The following ARHGEF28 variants were observed in gnomAD, a reference collection of about 807,000 sequenced individuals.
ARHGEF28 encodes Rho guanine nucleotide exchange factor 28.
Under a neutral mutation model 206.6 loss-of-function variants are expected in ARHGEF28, and 152 were observed. The observed-to-expected ratio is 0.74, with a 90% CI of 0.64 to 0.84. The LOEUF (loss-of-function observed/expected upper bound fraction) is 0.84. Among genes scored for constraint, ARHGEF28 ranks in the 40% least tolerant of loss-of-function variants. The pLI, the probability that ARHGEF28 is intolerant of heterozygous loss-of-function variation, is 0.00. For missense variants in ARHGEF28, 2,028 were observed against 2,073.2 expected (o/e 0.98, Z 0.42); for synonymous variants, 763 against 776.4 (o/e 0.98, Z 0.29).
At chr5:73,750,287 A>G (rs1751957844) in intron 3 of ARHGEF28, among the ~76,000 whole-genome samples, 1 of 152,134 alleles carries the variant, frequency 6.6e-6, no homozygotes, top group Non-Finnish European at 1.5e-5. Context: ...AACACTGTCT[A>G]TTGAGTATCA....
intron 16 of ARHGEF28, among the ~76,000 whole-genome samples, chr5:73,859,944 A>G (rs778073192): frequency 1.3e-5 from 2 of 152,208 alleles, no homozygotes; most frequent in Non-Finnish European, 2.9e-5. Context: ...ACCTCTGTGC[A>G]TACTGCTTAA....
intron 35 of ARHGEF28, among the ~76,000 whole-genome samples, chr5:73,930,091 C>T (rs1200620946): frequency 1.3e-5 from 2 of 152,198 alleles, no homozygotes; most frequent in Non-Finnish European, 2.9e-5. Flanking sequence ...TTTTTATGCA[C>T]ATCTCCTTAG....
intron 10 of ARHGEF28, among the ~76,000 whole-genome samples, chr5:73,839,814 A>G (rs1225518273): frequency 6.6e-6 from 1 of 152,150 alleles, no homozygotes; most frequent in Admixed American, 6.5e-5. Context: ...CGTGCACTTT[A>G]TGTAGCTTTA....
chr5:73,639,953 A>T (rs114854654), intron 1 of ARHGEF28, among the ~76,000 whole-genome samples: 1 of 152,358 alleles, frequency 6.6e-6, no homozygotes, highest in South Asian at 2.1e-4. Context: ...TCAATACTGT[A>T]GTAAGTGTTG....
chr5:73,879,890 TGAG>T (rs1252757612), intron 22 of ARHGEF28, among the ~76,000 whole-genome samples: 1 of 152,194 alleles, frequency 6.6e-6, no homozygotes, highest in East Asian at 1.9e-4. Flanking sequence ...GGGACCCACT[TGAG>T]GAGGCAGTCT....
intron 4 of ARHGEF28, among the ~76,000 whole-genome samples, chr5:73,769,577 A>G (rs1561391142): frequency 6.6e-6 from 1 of 152,202 alleles, no homozygotes; most frequent in African/African-American, 2.4e-5. Flanking sequence ...TTGCACTGCA[A>G]TTTATTCCAT....
chr5:73,769,208 T>C (rs1753078981), intron 4 of ARHGEF28, among the ~76,000 whole-genome samples: 1 of 152,062 alleles, frequency 6.6e-6, no homozygotes, highest in African/African-American at 2.4e-5. Context: ...TATATGTGTG[T>C]GTGTGAGAGA....
chr5:73,804,459 T>A (rs1755324697), intron 9 of ARHGEF28, among the ~76,000 whole-genome samples: 1 of 152,220 alleles, frequency 6.6e-6, no homozygotes, highest in Non-Finnish European at 1.5e-5. Context: ...GCAAACATTG[T>A]TTTAGCATCG....
intron 1 of ARHGEF28, among the ~76,000 whole-genome samples, chr5:73,673,354 C>A (rs1024243906): frequency 6.6e-6 from 1 of 152,178 alleles, no homozygotes; most frequent in Non-Finnish European, 1.5e-5. Flanking sequence ...ACTAACATGG[C>A]AAATAGAATT....
At chr5:73,841,923 T>C (rs974036033) in intron 11 of ARHGEF28, among the ~76,000 whole-genome samples, 1 of 152,166 alleles carries the variant, frequency 6.6e-6, no homozygotes, top group Non-Finnish European at 1.5e-5. Context: ...TGTTTGTATT[T>C]TATATTTTAA....
chr5:73,644,757 G>A (rs1744328474), intron 1 of ARHGEF28, among the ~76,000 whole-genome samples: 2 of 152,172 alleles, frequency 1.3e-5, no homozygotes, highest in Non-Finnish European at 2.9e-5. Flanking sequence ...CACCTGGAGA[G>A]GTCTTTGAAT....
At chr5:73,858,341 GT>G in intron 16 of ARHGEF28, 122 bp downstream of exon 16, 1 of 1,272,662 alleles carries the variant, frequency 7.9e-7, no homozygotes, top group Non-Finnish European at 1.1e-6. Flanking sequence ...TGACTGAACC[GT>G]TTACCAAGCA....
intron 2 of ARHGEF28, among the ~76,000 whole-genome samples, chr5:73,749,045 G>A (rs1751890518): frequency 6.6e-6 from 1 of 152,158 alleles, no homozygotes; most frequent in Non-Finnish European, 1.5e-5. Context: ...TCGGTGACCT[G>A]AGGTGGCAGC....
chr5:73,798,268 G>C (rs1754936870), intron 9 of ARHGEF28, among the ~76,000 whole-genome samples: 2 of 152,200 alleles, frequency 1.3e-5, no homozygotes, highest in Admixed American at 6.5e-5. Flanking sequence ...AAAATGTACA[G>C]ATTAGGTTGA....
chr5:73,654,896 C>G (rs944605750), intron 1 of ARHGEF28, among the ~76,000 whole-genome samples: 1 of 152,198 alleles, frequency 6.6e-6, no homozygotes, highest in South Asian at 2.1e-4. Flanking sequence ...CATCCTTGCT[C>G]TGTCAGGGAG....
intron 10 of ARHGEF28, among the ~76,000 whole-genome samples, chr5:73,836,052 T>C (rs886653826): frequency 9.2e-5 from 14 of 152,328 alleles, no homozygotes; most frequent in African/African-American, 3.4e-4. Context: ...TCATCTGTTG[T>C]TGGACACTTA....
intron 2 of ARHGEF28, among the ~76,000 whole-genome samples, chr5:73,710,330 C>T (rs1382555198): frequency 6.6e-6 from 1 of 152,148 alleles, no homozygotes; most frequent in African/African-American, 2.4e-5. Flanking sequence ...TTTTCATATG[C>T]TTACTTGCTA....
rs78604009 is a variant in ARHGEF28, at chr5:73,730,380, G to A, written c.34-19457G>A. ...CCATGTAGGTGGTTAGATAGGTAGG[G>A]ATGTCCTACTTATCTTGTTGGATTC... On this transcript the variant is annotated intron_variant, in intron 2 of 35. Transcript: ENST00000513042. Among the ~76,000 whole-genome samples the A allele has an allele frequency of 5.6e-3, 847 of 152,256 alleles. 4 individuals carry two copies. Among genetic ancestry groups the A allele is most frequent in the African/African-American group, 0.019 (782 of 41,540 alleles).
At chr5:73,785,081 T>C (rs1009213779) in intron 7 of ARHGEF28, among the ~76,000 whole-genome samples, 1 of 152,210 alleles carries the variant, frequency 6.6e-6, no homozygotes, top group African/African-American at 2.4e-5. Context: ...TTTAAAAAAA[T>C]GTAGGAATTA....
Sources: gnomAD v4.1 joint callset for allele counts (sites outside exome capture counted in the v4.1 genomes callset) on GRCh38, gnomAD v4.1.1 for gene constraint, MANE v1.5 for transcripts, NCBI Gene and HGNC (gene_info 2026-07-23, HGNC 2026-07-21) for gene names.